The following RCC1L variants were observed in gnomAD, a reference collection of about 807,000 sequenced individuals.
RCC1L encodes the protein RCC1-like G exchanging factor-like protein.
Under a neutral mutation model 58.6 loss-of-function variants are expected in RCC1L, and 46 were observed. The ratio of observed to expected loss-of-function variants is 0.79; its 90% confidence interval spans 0.62 to 1.00. The LOEUF is 1.00. Among genes scored for constraint, RCC1L ranks in the 50% least tolerant of loss-of-function variants. The pLI is 0.00. For synonymous variants in RCC1L, 281 were observed against 262.9 expected, an observed-to-expected ratio of 1.07 and a Z score of -0.67; for missense variants, 636 against 623.6, an observed-to-expected ratio of 1.02 and a Z score of -0.21.
intron 8 of RCC1L, 121 bp downstream of exon 8, chr7:75,057,408 C>A: frequency 3.1e-6 from 3 of 960,904 alleles, no homozygotes; most frequent in Non-Finnish European, 4.9e-6. Context: ...TGAGCCACCG[C>A]GCCCAGCCAT....
At position 75,058,660 on chromosome 7, in the gene RCC1L, G is replaced by A. The variant is rs957298552; in HGVS notation, c.897C>T (p.Ser299=). The A allele has an allele frequency of 5.8e-5, 94 of 1,613,790 alleles. No homozygotes were observed. The highest frequency in any genetic ancestry group is 1.6e-4 in the Middle Eastern group (1 of 6,078). The change falls in exon 7 of 11, where the codon TCC becomes TCT. Residue 299 remains serine (S), a synonymous_variant. Transcript: ENST00000610322. ...CCCAACCAAAAAGTCCTCCGTCGGC[G>A]GACACGGCCAGGCAGCAATCACCGT... ...ATYGDCCLAV[S]ADGGLFGWGN...
At chr7:75,072,377 T>TTATTATA (rs1806794544) in intron 1 of RCC1L, among the ~76,000 whole-genome samples, 1 of 151,308 alleles carries the variant, frequency 6.6e-6, no homozygotes, top group African/African-American at 2.4e-5. Context: ...ATTGCTTTTG[T>TTATTATA]TATTATATTT....
Position 75,073,496 on chromosome 7 carries a change from C to T in RCC1L, c.242G>A (p.Ser81Asn). The T allele has an allele frequency of 7.1e-7, 1 of 1,406,206 alleles. No homozygotes were observed. 87.1% of individuals were successfully genotyped at this position (1,406,206 alleles called of 1,614,324 possible). A position where few individuals can be genotyped will look rare whatever the true frequency, so the allele number is the denominator to read the frequency against. The stretch of plus-strand genomic sequence containing the variant: ...GCCGGCGCGGGGCCCGGGCCCGGAG[C>T]TGGGCACCACAAAGGAAGGCACGCC... ...ALGVPSFVVP[S>N]SGPGPRAGAR... is the part of the protein sequence containing the mutation. Residue 81 changes from serine to asparagine, a missense_variant, in exon 1 of 11, where the codon AGC becomes AAC. By Grantham distance (46) the Ser-to-Asn change is conservative. Coordinates refer to ENST00000610322, the MANE Select transcript of RCC1L (RefSeq NM_030798.5).
At chr7:75,029,052 G>A (rs1306327823) in intron 10 of RCC1L, among the ~76,000 whole-genome samples, 1 of 152,228 alleles carries the variant, frequency 6.6e-6, no homozygotes, top group East Asian at 1.9e-4. Context: ...GTCTGGAGGG[G>A]CTTGCCCCTC....
At chr7:75,033,891 A>C (rs1402859624) in intron 10 of RCC1L, among the ~76,000 whole-genome samples, 4 of 152,146 alleles carry the variant, frequency 2.6e-5, no homozygotes, top group African/African-American at 9.6e-5. Flanking sequence ...ATTAAATTAA[A>C]AAATAAAGCA....
At chr7:75,055,245 T>C (rs1345822183) in intron 9 of RCC1L, among the ~76,000 whole-genome samples, 1 of 152,174 alleles carries the variant, frequency 6.6e-6, no homozygotes, top group East Asian at 1.9e-4. Context: ...AGCAGCAAAT[T>C]GAACCCACGG....
Position 75,042,597 on chromosome 7 carries a change from A to C in RCC1L, c.*435T>G. Reference sequence around the variant, plus strand: ...GAAGCCAGCCTGACTCCCTCGCCTAAGCTGGGGCTCGGTCCGAGGCACACG... The same window carrying C: ...GAAGCCAGCCTGACTCCCTCGCCTACGCTGGGGCTCGGTCCGAGGCACACG... On this transcript the variant is annotated 3_prime_UTR_variant, in exon 11 of 11. Coordinates refer to ENST00000610322, the MANE Select transcript of RCC1L (RefSeq NM_030798.5). 9.9e-7 allele frequency: 1 copy of C among 1,005,300 alleles called. No homozygotes were observed. Among genetic ancestry groups the C allele is most frequent in the East Asian group, 1.1e-4 (1 of 9,462 alleles). The allele number at this position is 1,005,300 out of a possible 1,614,324, so 62.3% of individuals were successfully genotyped here.
intron 10 of RCC1L, among the ~76,000 whole-genome samples, chr7:75,046,558 C>T (rs1357273866): frequency 1.3e-5 from 2 of 152,214 alleles, no homozygotes; most frequent in Non-Finnish European, 2.9e-5. Context: ...GGGAGGCTCC[C>T]CAAGGTTCCA....
chr7:75,032,393 T>C (rs1039087339), intron 10 of RCC1L, among the ~76,000 whole-genome samples: 1 of 152,168 alleles, frequency 6.6e-6, no homozygotes, highest in Non-Finnish European at 1.5e-5. Context: ...AGATTAGATA[T>C]CCTGCAGGCA....
At chr7:75,028,196 C>T (rs1179250687) in intron 10 of RCC1L, 40 of 934,466 alleles carry the variant, frequency 4.3e-5, no homozygotes, top group Non-Finnish European at 5.9e-5. Flanking sequence ...CAGCTCACTG[C>T]AGCAACCTCC....
intron 10 of RCC1L, among the ~76,000 whole-genome samples, chr7:75,050,079 G>C (rs1450661312): frequency 1.3e-5 from 2 of 152,086 alleles, no homozygotes; most frequent in African/African-American, 4.8e-5. Context: ...CCGTCACGGG[G>C]ACAGGCTGGG....
At chr7:75,071,349 C>CA (rs1806720794) in intron 1 of RCC1L, among the ~76,000 whole-genome samples, 1 of 152,072 alleles carries the variant, frequency 6.6e-6, no homozygotes, top group African/African-American at 2.4e-5. Flanking sequence ...AAGATCAAGA[C>CA]ACTATCTAGC....
At position 75,042,334 on chromosome 7, in the gene RCC1L, C is replaced by G. The variant is rs995081547; in HGVS notation, c.*698G>C. ...GCCTGGCACTGCAGCTGAGCCTTGGCGGATATGCTCGGGGCCCTCGGCGCA... is the reference window on the plus strand; with the variant it reads ...GCCTGGCACTGCAGCTGAGCCTTGGGGGATATGCTCGGGGCCCTCGGCGCA... On this transcript the variant is annotated 3_prime_UTR_variant, in exon 11 of 11. Coordinates refer to ENST00000610322, the MANE Select transcript of RCC1L (RefSeq NM_030798.5). 1 of 985,420 alleles carries G rather than the reference C, an allele frequency of 1.0e-6. No individual in the cohort carries two copies. The highest frequency in any genetic ancestry group is 1.2e-6 in the Non-Finnish European group (1 of 829,980). The allele number at this position is 985,420 out of a possible 1,614,324, so 61.0% of individuals were successfully genotyped here. A position where few individuals can be genotyped will look rare whatever the true frequency, so the allele number is the denominator to read the frequency against.
At chr7:75,048,731 C>G (rs1244500220) in intron 10 of RCC1L, among the ~76,000 whole-genome samples, 1 of 152,252 alleles carries the variant, frequency 6.6e-6, no homozygotes, top group African/African-American at 2.4e-5. Flanking sequence ...GGCACTCCCC[C>G]TTAGGTCAGA....
chr7:75,070,783 C>T lies in RCC1L; in HGVS notation c.325-14G>A. ...AGCAGATGAAATCTGAAAAGCAGTTCCCACAAAGCATGAACTGATTTATAA... is the reference window on the plus strand; with the variant it reads ...AGCAGATGAAATCTGAAAAGCAGTTTCCACAAAGCATGAACTGATTTATAA... On this transcript the variant is annotated splice_polypyrimidine_tract_variant and intron_variant, in intron 1 of 10. Coordinates refer to ENST00000610322, the MANE Select transcript of RCC1L (RefSeq NM_030798.5). The T allele has an allele frequency of 6.2e-7, 1 of 1,613,540 alleles. No individual in the cohort carries two copies. The highest frequency in any genetic ancestry group is 8.5e-7 in the Non-Finnish European group (1 of 1,179,784).
At chr7:75,031,461 A>G (rs1261745409) in intron 10 of RCC1L, among the ~76,000 whole-genome samples, 1 of 152,014 alleles carries the variant, frequency 6.6e-6, no homozygotes, top group Non-Finnish European at 1.5e-5. Context: ...AAAATTACCT[A>G]ATGTTCCCCC....
downstream of RCC1L, among the ~76,000 whole-genome samples, chr7:75,037,576 C>T (rs1429910882): frequency 6.7e-6 from 1 of 149,462 alleles, no homozygotes; most frequent in African/African-American, 2.5e-5. Flanking sequence ...TCAATCTTGG[C>T]TCACTGCAAC....
chr7:75,073,408 C>G lies in RCC1L; in HGVS notation c.324+6G>C, dbSNP rs1554446439. The G allele has an allele frequency of 1.7e-6, 2 of 1,203,228 alleles. No homozygotes were observed. Among genetic ancestry groups the G allele is most frequent in the Non-Finnish European group, 2.2e-6 (2 of 925,020 alleles). The allele number at this position is 1,203,228 out of a possible 1,614,324, so 74.5% of individuals were successfully genotyped here. A position where few individuals can be genotyped will look rare whatever the true frequency, so the allele number is the denominator to read the frequency against. On this transcript the variant is annotated splice_donor_region_variant and intron_variant, in intron 1 of 10. Transcript: ENST00000610322. ...AAGGAGAGAAGGAGGAAGCCGCGGC[C>G]TGCACCTTTTGGTCCAGCTCCAGGC...
chr7:75,035,032 A>G (rs1480340876), intron 10 of RCC1L, among the ~76,000 whole-genome samples: 2 of 151,656 alleles, frequency 1.3e-5, no homozygotes, highest in African/African-American at 4.8e-5. Flanking sequence ...ATTTATTTAC[A>G]TTTATGTATT....
Sources: allele counts gnomAD v4.1 joint callset (sites outside exome capture counted in the v4.1 genomes callset), GRCh38; gene constraint gnomAD v4.1.1; transcripts MANE v1.5; gene names NCBI Gene and HGNC (gene_info 2026-07-23, HGNC 2026-07-21).